GTPBP4: variants seen among roughly 807,000 people sequenced by gnomAD.
GTPBP4 encodes GTP-binding protein 4.
GTPBP4 carries 15 observed loss-of-function variants against 81.7 expected under a neutral mutation model. The ratio of observed to expected loss-of-function variants is 0.18; its 90% CI spans 0.12 to 0.28. The LOEUF is 0.28. GTPBP4 is among the 10% of genes least tolerant of loss of function. GTPBP4 has a pLI of 1.00. For missense variants in GTPBP4, 847 were observed against 793.8 expected (o/e 1.07, Z -0.81); for synonymous variants, 272 against 274.6 (o/e 0.99, Z 0.09).
chr10:1,013,720 A>T (rs1262693275), intron 14 of GTPBP4, among the ~76,000 whole-genome samples: 3 of 152,262 alleles, frequency 2.0e-5, no homozygotes, highest in African/African-American at 7.2e-5. Context: ...GACTGGGGGA[A>T]GAAAGCCCAC....
chr10:1,010,510 C>G lies in GTPBP4; in HGVS notation c.1334C>G (p.Ala445Gly), dbSNP rs769988949. 6.0e-6 allele frequency: 9 copies of G among 1,511,000 alleles called. No individual in the cohort carries two copies. The highest frequency in any genetic ancestry group is 1.4e-5 in the African/African-American group (1 of 72,932). The allele number at this position is 1,511,000 out of a possible 1,614,324, so 93.6% of individuals were successfully genotyped here. A position where few individuals can be genotyped will look rare whatever the true frequency, so the allele number is the denominator to read the frequency against. Residue 445 changes from alanine (A) to glycine (G), a missense_variant, in exon 13 of 17, where the codon GCC becomes GGC. By Grantham distance (60) the Ala-to-Gly change is moderately conservative. Transcript: ENST00000360803. ...GHNIADYIDP[A>G]IMKKLEELEK... The stretch of plus-strand genomic sequence containing the variant: ...AATATAGCTGATTATATTGATCCAG[C>G]CATCATGAAGGTTTGTGTCACTTTT...
intron 16 of GTPBP4, among the ~76,000 whole-genome samples, chr10:1,016,242 C>T (rs998806032): frequency 3.3e-5 from 5 of 152,158 alleles, no homozygotes; most frequent in African/African-American, 1.2e-4. Context: ...TCCAGCAAGC[C>T]CCCCATGGGA....
chr10:1,000,540 CTTT>C (rs74260825), intron 6 of GTPBP4, 134 bp from the exon 7 acceptor site: 96 of 402,616 alleles, frequency 2.4e-4, no homozygotes, highest in Middle Eastern at 5.4e-4. Flanking sequence ...CCCAGCCCTA[CTTT>C]TTTTTTTTTT....
chr10:1,005,770 G>T (rs1004369310), intron 8 of GTPBP4, 48 bp from the exon 9 acceptor site: 1 of 1,029,362 alleles, frequency 9.7e-7, no homozygotes, highest in Non-Finnish European at 1.5e-6. Flanking sequence ...GTTCCATAGG[G>T]AACTGGAAAT....
chr10:1,006,432 A>C (rs1831735422), intron 9 of GTPBP4, among the ~76,000 whole-genome samples: 1 of 152,160 alleles, frequency 6.6e-6, no homozygotes. Context: ...CAAGGTCGGG[A>C]GTTCGAGACC....
chr10:1,008,897 CTTTGTAAGTTT>C (rs761044211), intron 10 of GTPBP4, 50 bp from the exon 11 acceptor site: 1 of 1,293,120 alleles, frequency 7.7e-7, no homozygotes, highest in Non-Finnish European at 1.1e-6. Context: ...ACTTTTTCGG[CTTTGTAAGTTT>C]CTCATTCAGC....
intron 11 of GTPBP4, 70 bp from the exon 12 acceptor site, chr10:1,009,459 A>G (rs1399239980): frequency 2.0e-6 from 2 of 997,794 alleles, no homozygotes; most frequent in African/African-American, 1.6e-5. Context: ...GTTTCAAGTG[A>G]CAAGGGGCAG....
chr10:1,003,300 T>C (rs1831671807), intron 8 of GTPBP4, among the ~76,000 whole-genome samples: 2 of 152,246 alleles, frequency 1.3e-5, no homozygotes, highest in African/African-American at 4.8e-5. Context: ...TGAAATTGTT[T>C]TCTTGATTTT....
chr10:990,667 G>A (rs1220671715), intron 1 of GTPBP4, among the ~76,000 whole-genome samples: 1 of 141,872 alleles, frequency 7.0e-6, no homozygotes, highest in African/African-American at 2.7e-5. Flanking sequence ...GGCAGAGCTT[G>A]CAGTGAACCG....
chr10:1,014,877 C>CA (rs11412135), intron 15 of GTPBP4, among the ~76,000 whole-genome samples: 73,384 of 144,438 alleles, frequency 0.51, 18,374 homozygotes, highest in Middle Eastern at 0.61. Flanking sequence ...GACTGTGTCT[C>CA]AAAAAAAAAA....
At chr10:997,862 C>G (rs1406951333) in intron 5 of GTPBP4, among the ~76,000 whole-genome samples, 1 of 152,142 alleles carries the variant, frequency 6.6e-6, no homozygotes, top group Non-Finnish European at 1.5e-5. Context: ...CCGAGTCGCT[C>G]TTTCCCTGGG....
intron 12 of GTPBP4, among the ~76,000 whole-genome samples, chr10:1,009,788 A>C (rs1466834448): frequency 6.6e-6 from 1 of 152,182 alleles, no homozygotes; most frequent in Non-Finnish European, 1.5e-5. Flanking sequence ...TATGCCCAGG[A>C]GTTTGAGACC....
At chr10:995,749 G>A (rs990732157) in intron 2 of GTPBP4, among the ~76,000 whole-genome samples, 180 bp from the exon 3 acceptor site, 2 of 152,104 alleles carry the variant, frequency 1.3e-5, no homozygotes, top group African/African-American at 2.4e-5. Context: ...GTCGGCACCC[G>A]CATCCCTTCT....
intron 11 of GTPBP4, 57 bp downstream of exon 11, chr10:1,009,092 C>A: frequency 1.5e-6 from 2 of 1,317,164 alleles, no homozygotes; most frequent in Non-Finnish European, 2.2e-6. Context: ...GCTGTGTGTG[C>A]CCATCGTGGG....
intron 13 of GTPBP4, among the ~76,000 whole-genome samples, chr10:1,010,747 C>T (rs1427634943): frequency 6.9e-6 from 1 of 145,470 alleles, no homozygotes; most frequent in Non-Finnish European, 1.5e-5. Context: ...CGCCTCCACC[C>T]ACCCACCCCG....
At chr10:1,011,732 G>C (rs1831878750) in intron 13 of GTPBP4, among the ~76,000 whole-genome samples, 1 of 152,240 alleles carries the variant, frequency 6.6e-6, no homozygotes, top group South Asian at 2.1e-4. Context: ...GGTGCTGGAG[G>C]AGTGGCCTCA....
intron 11 of GTPBP4, 110 bp from the exon 12 acceptor site, chr10:1,009,419 A>G: frequency 2.5e-6 from 2 of 800,546 alleles, no homozygotes; most frequent in South Asian, 1.4e-5. Context: ...GGTGAACCCC[A>G]CTGATACTGA....
intron 1 of GTPBP4, among the ~76,000 whole-genome samples, chr10:992,077 T>C (rs1831454680): frequency 6.6e-6 from 1 of 151,138 alleles, no homozygotes. Context: ...TAATTTAAAA[T>C]ATGTAGTACT....
chr10:994,059 A>G (rs566723342), intron 2 of GTPBP4, among the ~76,000 whole-genome samples: 11 of 152,216 alleles, frequency 7.2e-5, no homozygotes, highest in African/African-American at 2.6e-4. Context: ...GCACCTGTCC[A>G]ATAATGGCTT....
Sources: allele counts gnomAD v4.1 joint callset (sites outside exome capture counted in the v4.1 genomes callset), GRCh38; gene constraint gnomAD v4.1.1; transcripts MANE v1.5; gene names NCBI Gene and HGNC (gene_info 2026-07-23, HGNC 2026-07-21).